ZCCHC2: variants seen among roughly 807,000 people sequenced by gnomAD.
ZCCHC2 encodes zinc finger CCHC-type containing 2, also known as zinc finger CCHC domain-containing protein 2.
ZCCHC2 carries 39 observed loss-of-function variants against 103.6 expected under a neutral mutation model. The observed-to-expected ratio is 0.38, with a 90% CI of 0.29 to 0.49. The LOEUF is 0.49. ZCCHC2 is among the 20% of genes least tolerant of loss of function. ZCCHC2 has a pLI of 0.96. For synonymous variants in ZCCHC2, 687 were observed against 608.9 expected (o/e 1.13, Z -1.89); for missense variants, 1,483 against 1,491.0 (o/e 0.99, Z 0.09).
Position 62,543,334 on chromosome 18 carries a change from C to A in ZCCHC2, c.1128+760C>A, listed in dbSNP as rs564014997. 1.3e-5 allele frequency among the ~76,000 whole-genome samples: 2 copies of A among 152,304 alleles called. 1 individual carries two copies. The highest frequency in any genetic ancestry group is 4.1e-4 in the South Asian group (2 of 4,824). On this transcript the variant is annotated intron_variant, in intron 3 of 13. Coordinates refer to ENST00000269499, the MANE Select transcript of ZCCHC2 (RefSeq NM_017742.6). The stretch of plus-strand genomic sequence containing the variant: ...CATGATACTCTGCCCTCGTACCTTT[C>A]ACAGATCTTTCCAGTAGATATTCTC...
intron 1 of ZCCHC2, among the ~76,000 whole-genome samples, chr18:62,529,159 CAAAAA>C (rs67299838): frequency 3.0e-3 from 201 of 67,536 alleles, no homozygotes; most frequent in African/African-American, 9.4e-3. Flanking sequence ...GACAACGTCT[CAAAAA>C]AAAAAAAAAA....
rs1358532964 is a variant in ZCCHC2, at chr18:62,523,159, C to T, written c.-266C>T. ...CCTCGCTCGCTTGCTCCCACCCGCA[C>T]CCGGGCTCCCAGAACCGGCGAGGAG... On this transcript the variant is annotated 5_prime_UTR_variant, in exon 1 of 14. Coordinates refer to ENST00000269499, the MANE Select transcript of ZCCHC2 (RefSeq NM_017742.6). 1.3e-5 allele frequency: 2 copies of T among 154,066 alleles called. No homozygotes were observed. The highest frequency in any genetic ancestry group is 4.8e-5 in the African/African-American group (2 of 41,466). The allele number at this position is 154,066 out of a possible 1,614,324, so 9.5% of individuals were successfully genotyped here.
chr18:62,571,170 C>T (rs760487180), intron 12 of ZCCHC2, among the ~76,000 whole-genome samples: 17 of 151,804 alleles, frequency 1.1e-4, no homozygotes, highest in Non-Finnish European at 2.2e-4. Context: ...AAATGTCCTG[C>T]GGGTAAGAGG....
At chr18:62,547,036 C>G (rs1310911221) in intron 4 of ZCCHC2, among the ~76,000 whole-genome samples, 3 of 151,946 alleles carry the variant, frequency 2.0e-5, no homozygotes, top group Non-Finnish European at 4.4e-5. Flanking sequence ...TACAAAAGTT[C>G]AGGAGCTGCC....
chr18:62,524,326 A>G lies in ZCCHC2; in HGVS notation c.902A>G (p.Glu301Gly). The change falls in exon 1 of 14, where the codon GAG (glutamate) becomes GGG (glycine). Residue 301 changes from glutamate to glycine, a missense_variant. This residue lies in a region of ZCCHC2 where 568 missense variants were observed against 525.1 expected (regional missense o/e 1.08). Coordinates refer to ENST00000269499, the MANE Select transcript of ZCCHC2 (RefSeq NM_017742.6). ...LRGGPEDAEV[E>G]VEPCKFAGPR... ...GGGGGCCCCGAGGACGCGGAGGTGGAGGTAGAGCCGTGCAAGTTTGCCGGC... is the reference window on the plus strand; with the variant it reads ...GGGGGCCCCGAGGACGCGGAGGTGGGGGTAGAGCCGTGCAAGTTTGCCGGC... 1 of 1,544,184 alleles carries G rather than the reference A, an allele frequency of 6.5e-7. No individual in the cohort carries two copies. The highest frequency in any genetic ancestry group is 8.7e-7 in the Non-Finnish European group (1 of 1,144,618).
intron 4 of ZCCHC2, among the ~76,000 whole-genome samples, chr18:62,549,801 A>C (rs1915585112): frequency 6.6e-6 from 1 of 152,224 alleles, no homozygotes; most frequent in African/African-American, 2.4e-5. Context: ...TTTTTATATA[A>C]ATAAGTAATA....
chr18:62,584,285 A>G (rs1256857630), intron 14 of ZCCHC2, among the ~76,000 whole-genome samples: 2 of 151,784 alleles, frequency 1.3e-5, no homozygotes, highest in African/African-American at 4.8e-5. Flanking sequence ...GGGACCGGAG[A>G]CCCTTCACGC....
intron 2 of ZCCHC2, among the ~76,000 whole-genome samples, chr18:62,541,192 A>T (rs140081858): frequency 6.6e-6 from 1 of 152,206 alleles, no homozygotes; most frequent in Non-Finnish European, 1.5e-5. Flanking sequence ...AAGGAGTTAC[A>T]GGCTTTTGCC....
At chr18:62,565,456 T>C (rs55832923) in intron 11 of ZCCHC2, among the ~76,000 whole-genome samples, 2,404 of 152,276 alleles carry the variant, frequency 0.016, 28 homozygotes, top group Non-Finnish European at 0.023. Flanking sequence ...TGAGAGTGTT[T>C]TTGTGTAAAG....
At chr18:62,545,249 C>T (rs1915362769) in intron 4 of ZCCHC2, among the ~76,000 whole-genome samples, 1 of 151,994 alleles carries the variant, frequency 6.6e-6, no homozygotes, top group Non-Finnish European at 1.5e-5. Context: ...AACCCTGTTC[C>T]TAGTTTCCTG....
intron 2 of ZCCHC2, among the ~76,000 whole-genome samples, chr18:62,541,381 T>C (rs971185381): frequency 2.0e-5 from 3 of 152,266 alleles, no homozygotes; most frequent in African/African-American, 7.2e-5. Flanking sequence ...CTGTATCTTA[T>C]GCTTCATGCC....
At chr18:62,557,443 C>T (rs975539341) in intron 6 of ZCCHC2, among the ~76,000 whole-genome samples, 64 of 152,288 alleles carry the variant, frequency 4.2e-4, no homozygotes, top group African/African-American at 1.5e-3. Context: ...GATTGTTACA[C>T]GGGCTAACCT....
chr18:62,527,291 A>G (rs1914472705), intron 1 of ZCCHC2, among the ~76,000 whole-genome samples: 1 of 152,106 alleles, frequency 6.6e-6, no homozygotes. Flanking sequence ...AACTAATGAC[A>G]TTTACAGACA....
At chr18:62,542,242 GTGTT>G (rs1390974843) in intron 2 of ZCCHC2, among the ~76,000 whole-genome samples, 1 of 152,080 alleles carries the variant, frequency 6.6e-6, no homozygotes, top group African/African-American at 2.4e-5. Flanking sequence ...TGTTAATAGA[GTGTT>G]TGAATTTACT....
At chr18:62,566,427 C>G (rs1916366862) in intron 11 of ZCCHC2, among the ~76,000 whole-genome samples, 1 of 152,162 alleles carries the variant, frequency 6.6e-6, no homozygotes, top group Non-Finnish European at 1.5e-5. Context: ...GAGGAACAAG[C>G]TAAATGAGGA....
At position 62,524,063 on chromosome 18, in the gene ZCCHC2, G is replaced by A. The variant is rs1287675587; in HGVS notation, c.639G>A (p.Ser213=). 15 of 1,484,702 alleles carry A rather than the reference G, an allele frequency of 1.0e-5. No individual in the cohort carries two copies. Among genetic ancestry groups the A allele is most frequent in the Non-Finnish European group, 1.3e-5 (15 of 1,127,638 alleles). 92.0% of individuals were successfully genotyped at this position (1,484,702 alleles called of 1,614,324 possible). The part of the protein sequence containing the change: ...KSLRAARGEG[S]RGGAEDERGE... ...TGCGCGCGGCCCGGGGCGAGGGCTC[G>A]CGGGGCGGCGCGGAGGACGAGCGCG... The change falls in exon 1 of 14, where the codon TCG becomes TCA. Residue 213 remains serine, a synonymous_variant. Transcript: ENST00000269499.
At chr18:62,543,259 C>G (rs1915275970) in intron 3 of ZCCHC2, among the ~76,000 whole-genome samples, 1 of 152,162 alleles carries the variant, frequency 6.6e-6, no homozygotes, top group South Asian at 2.1e-4. Flanking sequence ...GGCTGTCCCT[C>G]TCTCATGGAG....
downstream of ZCCHC2, among the ~76,000 whole-genome samples, chr18:62,582,090 A>G (rs1026086217): frequency 1.3e-5 from 2 of 152,262 alleles, no homozygotes; most frequent in African/African-American, 2.4e-5. Context: ...GGTACAGTAG[A>G]TAAAATGGGA....
At chr18:62,578,648 T>G (rs2121911154), downstream of ZCCHC2, 1 of 152,690 alleles carries the variant, frequency 6.5e-6, no homozygotes, top group African/African-American at 2.4e-5. Context: ...GGCGATTTTT[T>G]TAAAGTTTTA....
Sources: allele counts gnomAD v4.1 joint callset (sites outside exome capture counted in the v4.1 genomes callset), GRCh38; gene constraint gnomAD v4.1.1; regional missense constraint gnomAD v4.1.1; transcripts MANE v1.5; gene names NCBI Gene and HGNC (gene_info 2026-07-23, HGNC 2026-07-21).